Variants in UTRN observed in about 807,000 individuals in gnomAD.
UTRN encodes the protein utrophin.
Under a neutral mutation model 463.9 loss-of-function variants are expected in UTRN, and 283 were observed. The observed-to-expected ratio is 0.61, with a 90% CI of 0.55 to 0.67. The LOEUF is 0.67. Among genes scored for constraint, UTRN ranks in the 30% least tolerant of loss-of-function variants. The probability of loss-of-function intolerance (pLI) is 0.00; values close to 1 mark genes in which losing one functional copy is unlikely to be tolerated. For synonymous variants in UTRN, 1,442 were observed against 1,431.5 expected (o/e 1.01, Z -0.17); for missense variants, 3,922 against 4,084.3 (o/e 0.96, Z 1.08).
intron 50 of UTRN, among the ~76,000 whole-genome samples, chr6:144,576,818 C>A (rs1176538380): frequency 2.0e-5 from 3 of 152,146 alleles, no homozygotes; most frequent in African/African-American, 7.2e-5. Flanking sequence ...ATTTAACTTA[C>A]AATTATGAGC....
intron 36 of UTRN, 68 bp from the exon 37 acceptor site, chr6:144,514,582 A>G (rs1270209121): frequency 1.1e-5 from 16 of 1,499,052 alleles, no homozygotes; most frequent in Non-Finnish European, 1.5e-5. Flanking sequence ...TTCCTTCTGT[A>G]TAAGCATCAC....
At chr6:144,452,804 C>T (rs1270987723) in intron 18 of UTRN, among the ~76,000 whole-genome samples, 2 of 151,028 alleles carry the variant, frequency 1.3e-5, no homozygotes, top group South Asian at 2.1e-4. Flanking sequence ...ATTTGTGGGG[C>T]GTGAGCTTGC....
chr6:144,806,412 T>G (rs1280025679), intron 65 of UTRN, among the ~76,000 whole-genome samples: 1 of 152,202 alleles, frequency 6.6e-6, no homozygotes, highest in Non-Finnish European at 1.5e-5. Flanking sequence ...GTAGTGATCT[T>G]ATCAACAGCC....
chr6:144,320,136 G>A (rs1775546099), intron 2 of UTRN, among the ~76,000 whole-genome samples: 1 of 152,246 alleles, frequency 6.6e-6, no homozygotes, highest in Admixed American at 6.5e-5. Context: ...ACAGGCGTGA[G>A]CCACTGTGCC....
chr6:144,325,198 T>C (rs1775903910), intron 2 of UTRN, among the ~76,000 whole-genome samples: 1 of 152,144 alleles, frequency 6.6e-6, no homozygotes, highest in Non-Finnish European at 1.5e-5. Flanking sequence ...AATTTCATGT[T>C]TTGGAAATTT....
intron 45 of UTRN, among the ~76,000 whole-genome samples, chr6:144,541,364 C>T (rs1797963759): frequency 6.6e-6 from 1 of 152,162 alleles, no homozygotes; most frequent in African/African-American, 2.4e-5. Context: ...ATTTATTTAA[C>T]ACAAAGGGTA....
At position 144,732,214 on chromosome 6, in the gene UTRN, T is replaced by TTATATATATATATA. The variant is rs1174420940; in HGVS notation, c.7939+1739_7939+1752dup. ...AATTATTCCTTTTGAGTACTCTGTT[T>TTATATATATATATA]TATATATATATATATATATATATAC... On this transcript the variant is annotated intron_variant, in intron 54 of 74. Coordinates refer to ENST00000367545, the MANE Select transcript of UTRN (RefSeq NM_007124.3). Among the ~76,000 whole-genome samples, 7 of 92,292 alleles carry TTATATATATATATA rather than the reference T, an allele frequency of 7.6e-5. No individual in the cohort carries two copies. In the East Asian group the frequency reaches 2.0e-3, roughly 26 times the overall value. 60.5% of individuals were successfully genotyped at this position (92,292 alleles called of 152,430 possible).
intron 61 of UTRN, 111 bp downstream of exon 61, chr6:144,782,234 C>A: frequency 1.1e-6 from 1 of 903,890 alleles, no homozygotes; most frequent in African/African-American, 1.7e-5. Flanking sequence ...ATTACTTTCC[C>A]AGTGGAAATA....
intron 51 of UTRN, among the ~76,000 whole-genome samples, chr6:144,617,185 T>C (rs1332597925): frequency 6.6e-6 from 1 of 152,178 alleles, no homozygotes; most frequent in Non-Finnish European, 1.5e-5. Context: ...TGTGAGTTCT[T>C]AATGATTTGA....
At chr6:144,435,743 A>G (rs542819782) in intron 9 of UTRN, among the ~76,000 whole-genome samples, 192 bp from the exon 10 acceptor site, 2 of 152,100 alleles carry the variant, frequency 1.3e-5, no homozygotes. Context: ...CTGCTTTTAT[A>G]CTCTTTGCTA....
intron 51 of UTRN, among the ~76,000 whole-genome samples, chr6:144,655,683 A>C (rs1779248635): frequency 1.3e-5 from 2 of 152,188 alleles, no homozygotes; most frequent in Admixed American, 6.5e-5. Flanking sequence ...GAAACCTGTT[A>C]GAATTTACAT....
chr6:144,613,852 G>T (rs1805783008), intron 51 of UTRN, among the ~76,000 whole-genome samples: 1 of 152,028 alleles, frequency 6.6e-6, no homozygotes, highest in Non-Finnish European at 1.5e-5. Flanking sequence ...CTTGTATTTT[G>T]TAAAATTAAA....
At chr6:144,629,251 G>A (rs996648181) in intron 51 of UTRN, among the ~76,000 whole-genome samples, 5 of 151,908 alleles carry the variant, frequency 3.3e-5, no homozygotes, top group African/African-American at 4.8e-5. Context: ...AAGCAAAAAG[G>A]ATGTGTAGTA....
rs368355158 is a variant in UTRN at position 144,794,691 on chromosome 6, C to G, written c.9078+700C>G. Among the ~76,000 whole-genome samples, 8 of 152,140 alleles carry G rather than the reference C, an allele frequency of 5.3e-5. No homozygotes were observed. In the South Asian group the frequency reaches 1.2e-3, roughly 24 times the overall value. On this transcript the variant is annotated intron_variant, in intron 63 of 74. Transcript: ENST00000367545. ...TCATTCAGGCTGCTGTAACAAAATA[C>G]CATAAACTGGATGGCTTTTAAACAA...
intron 51 of UTRN, among the ~76,000 whole-genome samples, chr6:144,643,062 GC>G (rs1215726099): frequency 5.9e-5 from 9 of 151,948 alleles, no homozygotes; most frequent in Admixed American, 5.9e-4. Context: ...TATCTATATA[GC>G]TACTATTTTA....
intron 58 of UTRN, among the ~76,000 whole-genome samples, chr6:144,759,609 G>A (rs540839505): frequency 6.6e-6 from 1 of 152,246 alleles, no homozygotes; most frequent in South Asian, 2.1e-4. Context: ...CTTTAATTAG[G>A]GAGATTATTC....
At chr6:144,704,058 G>C (rs898880797) in intron 53 of UTRN, among the ~76,000 whole-genome samples, 1 of 152,190 alleles carries the variant, frequency 6.6e-6, no homozygotes, top group African/African-American at 2.4e-5. Flanking sequence ...CATTGCACAA[G>C]TGGAGCAGTG....
chr6:144,615,917 T>A (rs186847742), intron 51 of UTRN, among the ~76,000 whole-genome samples: 1 of 152,270 alleles, frequency 6.6e-6, no homozygotes, highest in Non-Finnish European at 1.5e-5. Context: ...TCCTACATGA[T>A]CAGGCAGGGC....
chr6:144,762,885 T>C (rs1792870199), intron 58 of UTRN, among the ~76,000 whole-genome samples: 1 of 152,240 alleles, frequency 6.6e-6, no homozygotes, highest in Non-Finnish European at 1.5e-5. Context: ...TAAGATGTAG[T>C]TAGGAAATAA....
Sources: allele counts gnomAD v4.1 joint callset (sites outside exome capture counted in the v4.1 genomes callset), GRCh38; gene constraint gnomAD v4.1.1; transcripts MANE v1.5; gene names NCBI Gene and HGNC (gene_info 2026-07-23, HGNC 2026-07-21).